The following MFSD6 variants were observed in gnomAD, a reference collection of about 807,000 sequenced individuals.
MFSD6 encodes the protein major facilitator superfamily domain containing 6.
MFSD6 carries 26 observed loss-of-function variants against 56.3 expected under a neutral mutation model. The observed-to-expected ratio is 0.46, with a 90% CI of 0.34 to 0.64. The LOEUF is 0.64. Among genes scored for constraint, MFSD6 ranks in the 30% least tolerant of loss-of-function variants. The pLI is 0.01. For missense variants in MFSD6, 750 were observed against 986.2 expected (o/e 0.76, Z 3.21); for synonymous variants, 331 against 366.9 (o/e 0.90, Z 1.12).
rs759974588 is a variant in MFSD6 at position 190,436,868 on chromosome 2, A to T, written c.839A>T (p.Asp280Val). ...LPSDQVMLVY[D>V]QQEVEAIFLV... ...TCTGACCAAGTCATGCTTGTTTATG[A>T]TCAACAAGAAGTTGAAGCTATATTC... The change falls in exon 3 of 8, where the codon GAT (aspartate) becomes GTT (valine). Residue 280 changes from aspartate (D) to valine (V), a missense_variant. This residue lies in a region of MFSD6 where 376 missense variants were observed against 437.9 expected (regional missense o/e 0.86). Coordinates refer to ENST00000392328, the MANE Select transcript of MFSD6 (RefSeq NM_017694.4). The surrounding 1 kb of genome is among the most constrained non-coding windows in gnomAD (Gnocchi z 5.3). 3.1e-6 allele frequency: 5 copies of T among 1,614,210 alleles called. No individual in the cohort carries two copies. Among genetic ancestry groups the T allele is most frequent in the Non-Finnish European group, 3.4e-6 (4 of 1,180,034 alleles).
At position 190,463,823 on chromosome 2, in the gene MFSD6, A is replaced by C; in HGVS notation, c.1533-5935A>C. The C allele has an allele frequency of 7.6e-6, 7 of 919,356 alleles. No homozygotes were observed. Among genetic ancestry groups the C allele is most frequent in the Non-Finnish European group, 9.1e-6 (7 of 769,688 alleles). 56.9% of individuals were successfully genotyped at this position (919,356 alleles called of 1,614,324 possible). The stretch of plus-strand genomic sequence containing the variant: ...TAACAGAGCAAGACCCTGTCTCAAA[A>C]ATAAATAAATAAATAAAATAAAAAT... On this transcript the variant is annotated intron_variant, in intron 3 of 7. Transcript: ENST00000392328. This position sits in a 1 kb window ranked among gnomAD's most constrained non-coding sequence, Gnocchi z 4.4.
At chr2:190,464,201 G>A (rs907553240) in intron 3 of MFSD6, among the ~76,000 whole-genome samples, 3 of 152,156 alleles carry the variant, frequency 2.0e-5, no homozygotes, top group East Asian at 3.8e-4. Flanking sequence ...TCAGTCTAAC[G>A]GCAAATACTG....
chr2:190,500,563 G>A lies in MFSD6; in HGVS notation c.*345G>A. 4.5e-6 allele frequency: 1 copy of A among 223,586 alleles called. No homozygotes were observed. 13.9% of individuals were successfully genotyped at this position (223,586 alleles called of 1,614,324 possible). A position where few individuals can be genotyped will look rare whatever the true frequency, so the allele number is the denominator to read the frequency against. On this transcript the variant is annotated 3_prime_UTR_variant, in exon 8 of 8. Coordinates refer to ENST00000392328, the MANE Select transcript of MFSD6 (RefSeq NM_017694.4). This position sits in a 1 kb window ranked among gnomAD's most constrained non-coding sequence, Gnocchi z 5.3. ...CTAAGTAAGTGGAGGGAATGAAAGT[G>A]TTTCGAGGTGAATGTGGATATAATT...
rs899839262 is a variant in MFSD6 at position 190,415,916 on chromosome 2, G to A, written c.-54+503G>A. Among the ~76,000 whole-genome samples the A allele has an allele frequency of 3.9e-5, 6 of 152,130 alleles. No individual in the cohort carries two copies. The highest frequency in any genetic ancestry group is 8.8e-5 in the Non-Finnish European group (6 of 68,022). On this transcript the variant is annotated intron_variant, in intron 2 of 7. Coordinates refer to ENST00000392328, the MANE Select transcript of MFSD6 (RefSeq NM_017694.4). The surrounding 1 kb of genome is among the most constrained non-coding windows in gnomAD (Gnocchi z 4.5). Reference sequence around the variant, plus strand: ...CTGCCTTGTCTCGTGTATAGATTGTGCTTTATTTAACCCTCTTAACTTCCT... The same window carrying A: ...CTGCCTTGTCTCGTGTATAGATTGTACTTTATTTAACCCTCTTAACTTCCT...
At position 190,500,959 on chromosome 2, in the gene MFSD6, C is replaced by T. The variant is rs555129484; in HGVS notation, c.*741C>T. ...CTTTGAGAAAAAAAACAGAAACAAGCGATTATTTCAAATCAACCAACCAAC... is the reference window on the plus strand; with the variant it reads ...CTTTGAGAAAAAAAACAGAAACAAGTGATTATTTCAAATCAACCAACCAAC... On this transcript the variant is annotated 3_prime_UTR_variant, in exon 8 of 8. Transcript: ENST00000392328. This position sits in a 1 kb window ranked among gnomAD's most constrained non-coding sequence, Gnocchi z 5.3. The T allele has an allele frequency of 4.6e-5, 7 of 152,208 alleles. No homozygotes were observed. The highest frequency in any genetic ancestry group is 3.9e-4 in the East Asian group (2 of 5,180). 9.4% of individuals were successfully genotyped at this position (152,208 alleles called of 1,614,324 possible). A position where few individuals can be genotyped will look rare whatever the true frequency, so the allele number is the denominator to read the frequency against.
chr2:190,500,140 C>T lies in MFSD6; in HGVS notation c.2298C>T (p.Ser766=). 1 of 1,614,150 alleles carries T rather than the reference C, an allele frequency of 6.2e-7. No homozygotes were observed. Among genetic ancestry groups the T allele is most frequent in the Non-Finnish European group, 8.5e-7 (1 of 1,180,034 alleles). ...CAGCAGCATCTCAGACGCAGACCAG[C>T]CCCGCTCACCCCAGTGTGGACCCGT... is the stretch of plus-strand genomic sequence containing the variant. ...PDAAASQTQT[S]PAHPSVDPCT... Residue 766 remains serine, a synonymous_variant, in exon 8 of 8, where the codon AGC becomes AGT. Transcript: ENST00000392328. This position sits in a 1 kb window ranked among gnomAD's most constrained non-coding sequence, Gnocchi z 5.3.
At position 190,417,746 on chromosome 2, in the gene MFSD6, A is replaced by G. The variant is rs1421522409; in HGVS notation, c.-54+2333A>G. 6.6e-6 allele frequency among the ~76,000 whole-genome samples: 1 copy of G among 152,018 alleles called. No homozygotes were observed. The highest frequency in any genetic ancestry group is 1.5e-5 in the Non-Finnish European group (1 of 68,002). The stretch of plus-strand genomic sequence containing the variant: ...TGCCTTTTCTTTCCTCTACCCTGGA[A>G]TAGTTTTCCCACTCATCTTTGCCTG... On this transcript the variant is annotated intron_variant, in intron 2 of 7. Transcript: ENST00000392328. The surrounding 1 kb of genome is among the most constrained non-coding windows in gnomAD (Gnocchi z 5.7).
chr2:190,435,360 C>T (rs957628095), intron 2 of MFSD6: 5 of 152,204 alleles, frequency 3.3e-5, no homozygotes, highest in Admixed American at 6.5e-5. Flanking sequence ...TTGCCATTTT[C>T]TTAAACTGCT....
Position 190,439,012 on chromosome 2 carries a change from C to T in MFSD6, c.1532+1451C>T, listed in dbSNP as rs1466917200. Among the ~76,000 whole-genome samples, 2 of 152,038 alleles carry T rather than the reference C, an allele frequency of 1.3e-5. No individual in the cohort carries two copies. The highest frequency in any genetic ancestry group is 2.9e-5 in the Non-Finnish European group (2 of 68,012). On this transcript the variant is annotated intron_variant, in intron 3 of 7. Coordinates refer to ENST00000392328, the MANE Select transcript of MFSD6 (RefSeq NM_017694.4). This position sits in a 1 kb window ranked among gnomAD's most constrained non-coding sequence, Gnocchi z 5.8. ...GGACTGTGTGGATATTTCCTGGACC[C>T]ACAGAACCCCTGAGGCACATTTTGT...
At chr2:190,430,671 T>A (rs1685941532) in intron 2 of MFSD6, among the ~76,000 whole-genome samples, 1 of 151,708 alleles carries the variant, frequency 6.6e-6, no homozygotes, top group African/African-American at 2.4e-5. Flanking sequence ...CCTTTTCTAT[T>A]CCACAAAACC....
Position 190,489,899 on chromosome 2 carries a change from A to G in MFSD6, c.1891+33A>G. 1 of 1,583,636 alleles carries G rather than the reference A, an allele frequency of 6.3e-7. No individual in the cohort carries two copies. Among genetic ancestry groups the G allele is most frequent in the Non-Finnish European group, 8.6e-7 (1 of 1,161,602 alleles). On this transcript the variant is annotated intron_variant, in intron 6 of 7. Coordinates refer to ENST00000392328, the MANE Select transcript of MFSD6 (RefSeq NM_017694.4). This position sits in a 1 kb window ranked among gnomAD's most constrained non-coding sequence, Gnocchi z 6.6. ...TTTCCATTCTTTCTTAATATTCCTA[A>G]CAGTTCAGGCCATGGGAAGTCAACA...
rs1341944785 is a variant in MFSD6, at chr2:190,471,790, T to G, written c.1630+1935T>G. 6.6e-6 allele frequency among the ~76,000 whole-genome samples: 1 copy of G among 152,158 alleles called. No individual in the cohort carries two copies. Among genetic ancestry groups the G allele is most frequent in the Admixed American group, 6.5e-5 (1 of 15,284 alleles). ...GAGATCTGAGAACAGACAGACTGCC[T>G]CCTCAAGTGGGTCCCTGACCCGCAA... On this transcript the variant is annotated intron_variant, in intron 4 of 7. Coordinates refer to ENST00000392328, the MANE Select transcript of MFSD6 (RefSeq NM_017694.4). The surrounding 1 kb of genome is among the most constrained non-coding windows in gnomAD (Gnocchi z 4.7).
rs1303704103 is a variant in MFSD6 at position 190,447,966 on chromosome 2, G to C, written c.1532+10405G>C. On this transcript the variant is annotated intron_variant, in intron 3 of 7. Coordinates refer to ENST00000392328, the MANE Select transcript of MFSD6 (RefSeq NM_017694.4). This position sits in a 1 kb window ranked among gnomAD's most constrained non-coding sequence, Gnocchi z 4.5. ...AAGCTATTCATAGTTAAGAAGAAAA[G>C]GCCATTGTTGCAAAGTGGTATAAAT... is the stretch of plus-strand genomic sequence containing the variant. Among the ~76,000 whole-genome samples, 1 of 152,126 alleles carries C rather than the reference G, an allele frequency of 6.6e-6. No homozygotes were observed. The highest frequency in any genetic ancestry group is 6.5e-5 in the Admixed American group (1 of 15,280).
At chr2:190,460,736 A>G (rs1291422672) in intron 3 of MFSD6, among the ~76,000 whole-genome samples, 1 of 152,210 alleles carries the variant, frequency 6.6e-6, no homozygotes, top group Non-Finnish European at 1.5e-5. Flanking sequence ...GCTGGGTGAG[A>G]GCTGAAGAAT....
At position 190,456,031 on chromosome 2, in the gene MFSD6, C is replaced by T. The variant is rs1344387566; in HGVS notation, c.1533-13727C>T. ...TCTCGGCTCACTGCAACCTCTGCCT[C>T]CTGGGTTCAAGCAGTTCTCCTGTGT... is the stretch of plus-strand genomic sequence containing the variant. On this transcript the variant is annotated intron_variant, in intron 3 of 7. Coordinates refer to ENST00000392328, the MANE Select transcript of MFSD6 (RefSeq NM_017694.4). This position sits in a 1 kb window ranked among gnomAD's most constrained non-coding sequence, Gnocchi z 5.4. 1.4e-5 allele frequency among the ~76,000 whole-genome samples: 2 copies of T among 144,778 alleles called. No homozygotes were observed. The highest frequency in any genetic ancestry group is 4.3e-4 in the East Asian group (2 of 4,666). 95.0% of individuals were successfully genotyped at this position (144,778 alleles called of 152,430 possible). A position where few individuals can be genotyped will look rare whatever the true frequency, so the allele number is the denominator to read the frequency against.
rs1358503493 is a variant in MFSD6, at chr2:190,413,021, G to A, written c.-175-2271G>A. 1.3e-5 allele frequency among the ~76,000 whole-genome samples: 2 copies of A among 152,142 alleles called. No individual in the cohort carries two copies. Among genetic ancestry groups the A allele is most frequent in the African/African-American group, 4.8e-5 (2 of 41,398 alleles). ...GAACACCTAAACCTTGAGCCTATAT[G>A]TTAATATGTGTCTGCTATAGTTACT... On this transcript the variant is annotated intron_variant, in intron 1 of 7. Coordinates refer to ENST00000392328, the MANE Select transcript of MFSD6 (RefSeq NM_017694.4). This position sits in a 1 kb window ranked among gnomAD's most constrained non-coding sequence, Gnocchi z 4.1.
rs1690833940 is a variant in MFSD6 at position 190,417,683 on chromosome 2, C to T, written c.-54+2270C>T. ...TTGCTGTCTGGGTGGCCTCATGTGC[C>T]CTTTAGTCTTGGGATAAATCTTTTA... On this transcript the variant is annotated intron_variant, in intron 2 of 7. Coordinates refer to ENST00000392328, the MANE Select transcript of MFSD6 (RefSeq NM_017694.4). This position sits in a 1 kb window ranked among gnomAD's most constrained non-coding sequence, Gnocchi z 5.7. 2.0e-5 allele frequency among the ~76,000 whole-genome samples: 3 copies of T among 152,072 alleles called. No homozygotes were observed. Among genetic ancestry groups the T allele is most frequent in the African/African-American group, 7.2e-5 (3 of 41,402 alleles).
rs1254516618 is a variant in MFSD6, at chr2:190,487,636, A to G, written c.1631-1021A>G. ...TCAAAGAAGATATAGATGGCCAATA[A>G]ACACCTAAAAGGTGCTCGACATCAC... is the stretch of plus-strand genomic sequence containing the variant. On this transcript the variant is annotated intron_variant, in intron 4 of 7. Transcript: ENST00000392328. This position sits in a 1 kb window ranked among gnomAD's most constrained non-coding sequence, Gnocchi z 5.5. 6.6e-6 allele frequency among the ~76,000 whole-genome samples: 1 copy of G among 152,230 alleles called. No homozygotes were observed. Among genetic ancestry groups the G allele is most frequent in the East Asian group, 1.9e-4 (1 of 5,202 alleles).
intron 3 of MFSD6, among the ~76,000 whole-genome samples, chr2:190,455,934 CTTTTTTTTTTT>C (rs34054506): frequency 1.5e-5 from 1 of 65,388 alleles, no homozygotes; most frequent in African/African-American, 6.6e-5. Context: ...ATTTACTCTG[CTTTTTTTTTTT>C]TTTTTTTTTT....
Sources: allele counts gnomAD v4.1 joint callset (sites outside exome capture counted in the v4.1 genomes callset), GRCh38; gene constraint gnomAD v4.1.1; regional missense constraint gnomAD v4.1.1; non-coding constraint Gnocchi (gnomAD v3.1); transcripts MANE v1.5; gene names NCBI Gene and HGNC (gene_info 2026-07-23, HGNC 2026-07-21).